The following MAPT variants were observed in gnomAD, a reference collection of about 807,000 sequenced individuals.
MAPT encodes the protein microtubule-associated protein tau.
A neutral mutation model predicts 67.9 loss-of-function variants in MAPT; 34 were observed. The ratio of observed to expected loss-of-function variants is 0.50; its 90% CI spans 0.38 to 0.67. The LOEUF (loss-of-function observed/expected upper bound fraction) is 0.67. Among genes scored for constraint, MAPT ranks in the 30% least tolerant of loss-of-function variants. The pLI is 0.00. For missense variants in MAPT, 881 were observed against 1,115.2 expected (o/e 0.79, Z 2.99); for synonymous variants, 456 against 464.5 (o/e 0.98, Z 0.23).
intron 1 of MAPT, among the ~76,000 whole-genome samples, chr17:45,912,997 C>A (rs2064907136): frequency 6.6e-6 from 1 of 152,210 alleles, no homozygotes. Flanking sequence ...GTCATTTGAG[C>A]ACTTACTACA....
intron 3 of MAPT, among the ~76,000 whole-genome samples, chr17:45,972,504 T>G (rs1352191228): frequency 6.6e-6 from 1 of 152,226 alleles, no homozygotes; most frequent in East Asian, 1.9e-4. Context: ...TTTGACCATC[T>G]TCTCTTGCTT....
chr17:46,008,240 C>T (rs979548558), intron 9 of MAPT, among the ~76,000 whole-genome samples: 5 of 152,104 alleles, frequency 3.3e-5, no homozygotes, highest in African/African-American at 1.2e-4. Flanking sequence ...GGGTTGCGCA[C>T]CACCATGCCT....
chr17:45,928,298 A>G (rs1019006596), intron 1 of MAPT, among the ~76,000 whole-genome samples: 1 of 152,154 alleles, frequency 6.6e-6, no homozygotes, highest in Admixed American at 6.5e-5. Context: ...TTCCCCTGGA[A>G]TGTTCTTTCC....
chr17:45,899,702 C>G (rs991021005), intron 1 of MAPT, among the ~76,000 whole-genome samples: 1 of 152,184 alleles, frequency 6.6e-6, no homozygotes, highest in Non-Finnish European at 1.5e-5. Context: ...TTACAAGAGT[C>G]TGTAATCGGA....
intron 7 of MAPT, chr17:45,990,440 CCT>C: frequency 2.3e-6 from 1 of 434,032 alleles, no homozygotes; most frequent in East Asian, 6.6e-5. Context: ...ATGGCAAAAC[CCT>C]GTCTCTACTA....
chr17:45,990,961 A>C lies in MAPT; in HGVS notation c.1606-499A>C, dbSNP rs147014221. Among the ~76,000 whole-genome samples, 639 of 152,210 alleles carry C rather than the reference A, an allele frequency of 4.2e-3. 3 individuals are homozygous for C. The highest frequency in any genetic ancestry group is 5.1e-3 in the Non-Finnish European group (348 of 68,002). ...ACACCCAAGGAGTTCTTGAGGCCTT[A>C]GGGTTGTTTGCGAGAGAATGAAAGA... On this transcript the variant is annotated intron_variant, in intron 7 of 12. Transcript: ENST00000262410.
At chr17:45,922,948 G>T (rs2065896635) in intron 1 of MAPT, among the ~76,000 whole-genome samples, 1 of 152,222 alleles carries the variant, frequency 6.6e-6, no homozygotes, top group African/African-American at 2.4e-5. Flanking sequence ...TGTCTTCCGG[G>T]AGCCCTGTGG....
chr17:45,992,872 C>G (rs566942315), intron 8 of MAPT, among the ~76,000 whole-genome samples: 101 of 111,118 alleles, frequency 9.1e-4, no homozygotes, highest in Non-Finnish European at 1.6e-3. Context: ...GCCTGGATGA[C>G]AAAAGTGAGA....
intron 1 of MAPT, among the ~76,000 whole-genome samples, chr17:45,911,560 A>C (rs2064793521): frequency 6.6e-6 from 1 of 152,220 alleles, no homozygotes; most frequent in African/African-American, 2.4e-5. Context: ...CAGGAGTCCG[A>C]GACCAGCCTG....
At chr17:45,931,380 AT>A (rs150548594) in intron 1 of MAPT, among the ~76,000 whole-genome samples, 2 of 152,196 alleles carry the variant, frequency 1.3e-5, no homozygotes, top group African/African-American at 2.4e-5. Context: ...TTGCACCAGG[AT>A]TTTTTTCAAA....
At chr17:45,917,890 C>T (rs1374365786) in intron 1 of MAPT, among the ~76,000 whole-genome samples, 1 of 152,044 alleles carries the variant, frequency 6.6e-6, no homozygotes, top group South Asian at 2.1e-4. Flanking sequence ...TCTCATGTCT[C>T]GGCCTCCCGA....
chr17:46,024,199 T>G lies in MAPT; in HGVS notation c.*28T>G. 1 of 1,588,230 alleles carries G rather than the reference T, an allele frequency of 6.3e-7. No individual in the cohort carries two copies. The highest frequency in any genetic ancestry group is 8.6e-7 in the Non-Finnish European group (1 of 1,156,950). The stretch of plus-strand genomic sequence containing the variant: ...AGGCCCCTGGGGCGGTCAATAATTG[T>G]GGAGAGGAGAGAATGAGAGAGTGTG... On this transcript the variant is annotated 3_prime_UTR_variant, in exon 13 of 13. Coordinates refer to ENST00000262410, the MANE Select transcript of MAPT (RefSeq NM_001377265.1).
intron 5 of MAPT, chr17:45,985,814 C>G: frequency 1.4e-6 from 1 of 706,564 alleles, no homozygotes; most frequent in Non-Finnish European, 1.7e-6. Context: ...CTTACAGACC[C>G]AGTTGTGGGG....
intron 1 of MAPT, among the ~76,000 whole-genome samples, chr17:45,956,597 TA>T (rs1299350772): frequency 1.3e-4 from 6 of 46,874 alleles, no homozygotes; most frequent in African/African-American, 4.0e-4. Context: ...TATATATATA[TA>T]TATTTTTTAT....
intron 1 of MAPT, among the ~76,000 whole-genome samples, chr17:45,948,853 C>CAG (rs1308445181): frequency 6.6e-6 from 1 of 152,178 alleles, no homozygotes; most frequent in African/African-American, 2.4e-5. Context: ...AACAGGAGAC[C>CAG]AGAGCAAAGG....
intron 2 of MAPT, among the ~76,000 whole-genome samples, chr17:45,967,853 T>C (rs1341881828): frequency 6.6e-6 from 1 of 152,096 alleles, no homozygotes; most frequent in African/African-American, 2.4e-5. Flanking sequence ...TGCTCCCCCA[T>C]CCTGGGCCAT....
chr17:45,963,215 G>A (rs1015030973), intron 2 of MAPT, among the ~76,000 whole-genome samples: 1 of 152,120 alleles, frequency 6.6e-6, no homozygotes, highest in Non-Finnish European at 1.5e-5. Context: ...AAACAACATC[G>A]ACTTCTAAAC....
chr17:45,957,899 A>G (rs1227064839), intron 1 of MAPT, among the ~76,000 whole-genome samples: 2 of 152,204 alleles, frequency 1.3e-5, no homozygotes, highest in African/African-American at 4.8e-5. Context: ...ACAAACTTAC[A>G]AGAAGGTCAA....
At chr17:45,994,321 A>G (rs990008489) in intron 8 of MAPT, among the ~76,000 whole-genome samples, 2 of 152,100 alleles carry the variant, frequency 1.3e-5, no homozygotes, top group African/African-American at 2.4e-5. Flanking sequence ...AGAGGCATGA[A>G]AAGTATTTGG....
Sources: gnomAD v4.1 joint callset for allele counts (sites outside exome capture counted in the v4.1 genomes callset) on GRCh38, gnomAD v4.1.1 for gene constraint, MANE v1.5 for transcripts, NCBI Gene and HGNC (gene_info 2026-07-23, HGNC 2026-07-21) for gene names.